TBC1D2B: variants seen among roughly 807,000 people sequenced by gnomAD.
TBC1D2B encodes the protein TBC1 domain family member 2B.
TBC1D2B carries 64 observed loss-of-function variants against 100.8 expected under a neutral mutation model. The ratio of observed to expected loss-of-function variants is 0.64; its 90% CI spans 0.52 to 0.78. The LOEUF is 0.78. Ranked by LOEUF, TBC1D2B falls within the 30% of genes least tolerant of loss-of-function variation. The pLI, the probability that TBC1D2B is intolerant of heterozygous loss-of-function variation, is 0.00. For missense variants in TBC1D2B, 1,052 were observed against 1,218.4 expected, an observed-to-expected ratio of 0.86 and a Z score of 2.03; for synonymous variants, 480 against 479.7, an observed-to-expected ratio of 1.00 and a Z score of -0.01.
chr15:78,025,517 G>T lies in TBC1D2B; in HGVS notation c.848-20C>A. ...TTACTCCTACATAAAAATAAAACTTGTATTTTATTATTATTATTATTATTT... is the reference window on the plus strand; with the variant it reads ...TTACTCCTACATAAAAATAAAACTTTTATTTTATTATTATTATTATTATTT... On this transcript the variant is annotated intron_variant, in intron 4 of 12. Transcript: ENST00000300584. 1 of 1,471,454 alleles carries T rather than the reference G, an allele frequency of 6.8e-7. No individual in the cohort carries two copies. Among genetic ancestry groups the T allele is most frequent in the Non-Finnish European group, 9.2e-7 (1 of 1,090,406 alleles). The allele number at this position is 1,471,454 out of a possible 1,614,324, so 91.1% of individuals were successfully genotyped here.
intron 10 of TBC1D2B, among the ~76,000 whole-genome samples, chr15:78,005,596 T>A (rs904837498): frequency 6.6e-6 from 1 of 152,190 alleles, no homozygotes; most frequent in African/African-American, 2.4e-5. Flanking sequence ...GTACACAGTA[T>A]AAAATGACAT....
chr15:78,065,620 C>G (rs866576368), intron 1 of TBC1D2B, among the ~76,000 whole-genome samples: 1 of 152,192 alleles, frequency 6.6e-6, no homozygotes, highest in Admixed American at 6.5e-5. Flanking sequence ...AGGATGAGCT[C>G]AGGATAAATA....
rs1233173967 is a variant in TBC1D2B at position 77,996,210 on chromosome 15, C to A, written c.*1950G>T. The A allele has an allele frequency of 2.0e-5, 3 of 152,052 alleles. No individual in the cohort carries two copies. Among genetic ancestry groups the A allele is most frequent in the Non-Finnish European group, 4.4e-5 (3 of 68,006 alleles). 9.4% of individuals were successfully genotyped at this position (152,052 alleles called of 1,614,324 possible). On this transcript the variant is annotated 3_prime_UTR_variant, in exon 13 of 13. Transcript: ENST00000300584. The stretch of plus-strand genomic sequence containing the variant: ...ATACCACCGTGGGTTGCAGCCACGA[C>A]GGGCCCCTGGTCAGGTGCATCTCTC...
At chr15:78,029,969 G>A (rs746846371) in intron 4 of TBC1D2B, 38 bp downstream of exon 4, 10 of 1,563,476 alleles carry the variant, frequency 6.4e-6, no homozygotes, top group South Asian at 2.4e-5. Flanking sequence ...ACAGATGGCA[G>A]TACAGAGAAT....
intron 3 of TBC1D2B, among the ~76,000 whole-genome samples, chr15:78,043,968 C>G (rs12907814): frequency 0.62 from 93,556 of 150,572 alleles, 28,979 homozygotes; most frequent in Admixed American, 0.64. Context: ...AGGCTGCAGT[C>G]AGCCATGAAC....
At chr15:78,029,925 T>G in intron 4 of TBC1D2B, 82 bp downstream of exon 4, 1 of 1,184,374 alleles carries the variant, frequency 8.4e-7, no homozygotes, top group Admixed American at 2.6e-5. Context: ...TCGAAATACC[T>G]GCTAATAATG....
intron 8 of TBC1D2B, 32 bp downstream of exon 8, chr15:78,016,514 G>A (rs757696798): frequency 3.8e-6 from 6 of 1,599,612 alleles, no homozygotes; most frequent in African/African-American, 2.7e-5. Flanking sequence ...GAAATGGGGT[G>A]CACTACCCTC....
At chr15:78,000,754 C>A (rs530154654) in intron 12 of TBC1D2B, among the ~76,000 whole-genome samples, 1 of 152,250 alleles carries the variant, frequency 6.6e-6, no homozygotes, top group Non-Finnish European at 1.5e-5. Flanking sequence ...TGGCCCAGAA[C>A]AGGCAATGAC....
At position 78,024,558 on chromosome 15, in the gene TBC1D2B, A is replaced by C; in HGVS notation, c.1087-19T>G. 6.3e-7 allele frequency: 1 copy of C among 1,595,936 alleles called. No homozygotes were observed. The highest frequency in any genetic ancestry group is 2.2e-5 in the East Asian group (1 of 44,644). ...CAAGCTCCTGGGAGCCAAAAGGAGA[A>C]TGGAGTGAAGGGTGAAAAGAGCAAG... On this transcript the variant is annotated intron_variant, in intron 5 of 12. Coordinates refer to ENST00000300584, the MANE Select transcript of TBC1D2B (RefSeq NM_144572.2).
intron 3 of TBC1D2B, among the ~76,000 whole-genome samples, chr15:78,033,774 C>T (rs1454140911): frequency 3.3e-5 from 5 of 152,126 alleles, no homozygotes; most frequent in Non-Finnish European, 5.9e-5. Flanking sequence ...GGTGGCTTTA[C>T]CTCTAGTTTG....
In TBC1D2B at chr15:78,029,917, G is replaced by A. The variant is rs62011480; in HGVS notation, c.847+90C>T. The A allele has an allele frequency of 6.1e-3, 6,900 of 1,132,012 alleles. 45 individuals are homozygous for A. Among genetic ancestry groups the A allele is most frequent in the Non-Finnish European group, 7.0e-3 (5,783 of 826,290 alleles). The allele number at this position is 1,132,012 out of a possible 1,614,324, so 70.1% of individuals were successfully genotyped here. A position where few individuals can be genotyped will look rare whatever the true frequency, so the allele number is the denominator to read the frequency against. On this transcript the variant is annotated intron_variant, in intron 4 of 12. Transcript: ENST00000300584. The stretch of plus-strand genomic sequence containing the variant: ...GCCCCCATTGGTCCTTATGCTTCTC[G>A]AAATACCTGCTAATAATGTGTCTCC...
At chr15:78,007,356 T>C (rs1055066909) in intron 10 of TBC1D2B, among the ~76,000 whole-genome samples, 1 of 152,060 alleles carries the variant, frequency 6.6e-6, no homozygotes, top group African/African-American at 2.4e-5. Flanking sequence ...ACTGCAGTGA[T>C]GGAGACAGGC....
chr15:78,061,913 G>C (rs2073553469), intron 1 of TBC1D2B, among the ~76,000 whole-genome samples: 1 of 152,132 alleles, frequency 6.6e-6, no homozygotes, highest in Non-Finnish European at 1.5e-5. Context: ...ATCAAGCAAT[G>C]TGGCACAGCA....
intron 8 of TBC1D2B, among the ~76,000 whole-genome samples, chr15:78,014,883 G>A (rs764157363): frequency 1.3e-5 from 2 of 152,322 alleles, no homozygotes; most frequent in East Asian, 1.9e-4. Context: ...GTGGAATGAC[G>A]TGACGTCTGG....
chr15:78,056,306 G>A (rs1345018012), intron 1 of TBC1D2B, among the ~76,000 whole-genome samples: 2 of 152,208 alleles, frequency 1.3e-5, no homozygotes, highest in Admixed American at 1.3e-4. Context: ...TCAGTGAGTG[G>A]CAAGGACCTG....
chr15:78,070,936 C>A (rs1769447490), intron 1 of TBC1D2B, among the ~76,000 whole-genome samples: 1 of 152,246 alleles, frequency 6.6e-6, no homozygotes, highest in Non-Finnish European at 1.5e-5. Flanking sequence ...AATTCTCCTG[C>A]CTCAGCCTCC....
rs780387999 is a variant in TBC1D2B at position 78,045,064 on chromosome 15, T to C, written c.519A>G (p.Leu173=). ...KGLVARDNTD[L]IYPHPNASAE... ...CAGAAGCATTTGGGTGTGGGTAAAT[T>C]AAATCTGAAAAAAAAGGTAAACAAA... The change falls in exon 3 of 13, where the codon TTA becomes TTG. Residue 173 remains leucine (L), a synonymous_variant. Coordinates refer to ENST00000300584, the MANE Select transcript of TBC1D2B (RefSeq NM_144572.2). The C allele has an allele frequency of 1.3e-6, 2 of 1,590,476 alleles. No homozygotes were observed. Among genetic ancestry groups the C allele is most frequent in the Admixed American group, 3.6e-5 (2 of 55,414 alleles).
rs1280107329 is a variant in TBC1D2B at position 78,045,077 on chromosome 15, A to G, written c.515-9T>C. 1 of 1,588,002 alleles carries G rather than the reference A, an allele frequency of 6.3e-7. No homozygotes were observed. The highest frequency in any genetic ancestry group is 8.6e-7 in the Non-Finnish European group (1 of 1,164,686). ...GTGTGGGTAAATTAAATCTGAAAAA[A>G]AAGGTAAACAAATGTCAGTTACTCA... On this transcript the variant is annotated splice_polypyrimidine_tract_variant and intron_variant, in intron 2 of 12. Transcript: ENST00000300584.
At chr15:78,075,199 T>G (rs2141853703) in intron 1 of TBC1D2B, among the ~76,000 whole-genome samples, 1 of 150,744 alleles carries the variant, frequency 6.6e-6, no homozygotes, top group African/African-American at 2.4e-5. Flanking sequence ...TATTTATTAT[T>G]TTTTTTTTAA....
Sources: gnomAD v4.1 joint callset for allele counts (sites outside exome capture counted in the v4.1 genomes callset) on GRCh38, gnomAD v4.1.1 for gene constraint, MANE v1.5 for transcripts, NCBI Gene and HGNC (gene_info 2026-07-23, HGNC 2026-07-21) for gene names.